ADAM18: variants seen among roughly 807,000 people sequenced by gnomAD.
The protein encoded by ADAM18 is ADAM metallopeptidase domain 18.
A neutral mutation model predicts 94.4 loss-of-function variants in ADAM18; 117 were observed. The ratio of observed to expected loss-of-function variants is 1.24; its 90% confidence interval spans 1.07 to 1.45. ADAM18 has a LOEUF of 1.45. Ranked by LOEUF, ADAM18 falls within the 40% of genes most tolerant of loss-of-function variation. The pLI is 0.00. For missense variants in ADAM18, 936 were observed against 880.0 expected, an observed-to-expected ratio of 1.06 and a Z score of -0.81; for synonymous variants, 327 against 291.6, an observed-to-expected ratio of 1.12 and a Z score of -1.24.
intron 6 of ADAM18, among the ~76,000 whole-genome samples, chr8:39,619,941 G>C (rs893275057): frequency 2.6e-5 from 4 of 151,962 alleles, no homozygotes; most frequent in African/African-American, 9.7e-5. Flanking sequence ...AAGCAATCTT[G>C]AGCAAAAAGA....
chr8:39,667,937 C>A (rs1360958615), intron 13 of ADAM18, 61 bp from the exon 14 acceptor site: 35 of 1,481,012 alleles, frequency 2.4e-5, no homozygotes, highest in Non-Finnish European at 3.3e-5. Flanking sequence ...TAAATCTTTT[C>A]ACTAAGCAAT....
At chr8:39,623,507 AT>A (rs59705229) in intron 6 of ADAM18, among the ~76,000 whole-genome samples, 131,765 of 148,120 alleles carry the variant, frequency 0.89, 58,615 homozygotes, top group Middle Eastern at 0.97. Flanking sequence ...ACATGCACAC[AT>A]TTTTTTTTTT....
intron 18 of ADAM18, among the ~76,000 whole-genome samples, chr8:39,709,344 C>T (rs915878872): frequency 2.6e-5 from 4 of 152,158 alleles, no homozygotes; most frequent in Admixed American, 6.5e-5. Context: ...TAGTCCCTGA[C>T]GTCCAGCTGC....
chr8:39,610,477 G>C, intron 5 of ADAM18, 52 bp from the exon 6 acceptor site: 1 of 1,519,678 alleles, frequency 6.6e-7, no homozygotes. Context: ...ATTTTGAAGG[G>C]ATCATTTGTG....
chr8:39,641,241 C>A (rs551528861), intron 10 of ADAM18, among the ~76,000 whole-genome samples: 5 of 152,174 alleles, frequency 3.3e-5, no homozygotes, highest in African/African-American at 1.2e-4. Flanking sequence ...GTTCTCCCAG[C>A]ACCATTTATT....
chr8:39,609,791 G>A (rs554769291), intron 5 of ADAM18, among the ~76,000 whole-genome samples: 2 of 152,236 alleles, frequency 1.3e-5, no homozygotes, highest in South Asian at 4.1e-4. Context: ...TTTCATGGAA[G>A]AAAACTTTAA....
intron 12 of ADAM18, among the ~76,000 whole-genome samples, chr8:39,660,009 A>G (rs1820791388): frequency 6.6e-6 from 1 of 152,144 alleles, no homozygotes; most frequent in Admixed American, 6.5e-5. Flanking sequence ...TTTGTATGTG[A>G]CTGAAGTTTT....
At chr8:39,664,981 T>C (rs1820954919) in intron 13 of ADAM18, among the ~76,000 whole-genome samples, 1 of 152,122 alleles carries the variant, frequency 6.6e-6, no homozygotes, top group African/African-American at 2.4e-5. Flanking sequence ...ATTCTGTTAG[T>C]GAATATTCCC....
rs537123139 is a variant in ADAM18 at position 39,609,343 on chromosome 8, CT to C, written c.268-133del. On this transcript the variant is annotated intron_variant, in intron 4 of 19. Coordinates refer to ENST00000265707, the MANE Select transcript of ADAM18 (RefSeq NM_014237.3). ...CAAAATAAAGAGAATTGTCACAAAT[CT>C]TTTTTTTTCTGAAAATATGCATTAA... is the stretch of plus-strand genomic sequence containing the variant. The C allele has an allele frequency of 2.5e-3, 1,682 of 685,332 alleles. 24 individuals are homozygous for C. The African/African-American group carries it at 0.026, about 11-fold the overall frequency. The allele number at this position is 685,332 out of a possible 1,614,324, so 42.5% of individuals were successfully genotyped here.
chr8:39,627,665 C>T (rs777109833), intron 6 of ADAM18, among the ~76,000 whole-genome samples: 34 of 151,886 alleles, frequency 2.2e-4, no homozygotes, highest in Non-Finnish European at 4.3e-4. Flanking sequence ...TTTTTTTATC[C>T]ATTCTGCAAA....
chr8:39,728,745 A>G (rs1296377015), intron 19 of ADAM18, among the ~76,000 whole-genome samples: 4 of 152,186 alleles, frequency 2.6e-5, no homozygotes, highest in African/African-American at 9.6e-5. Flanking sequence ...GTGTGGAAAA[A>G]TGAATTGTAA....
At chr8:39,715,881 C>T (rs1586010630) in intron 18 of ADAM18, among the ~76,000 whole-genome samples, 1 of 152,086 alleles carries the variant, frequency 6.6e-6, no homozygotes, top group Middle Eastern at 3.4e-3. Context: ...AGAAATTACG[C>T]TAATTCTCTG....
chr8:39,663,848 A>G lies in ADAM18; in HGVS notation c.1284A>G (p.Ser428=), dbSNP rs1025698200. 2 of 1,612,396 alleles carry G rather than the reference A, an allele frequency of 1.2e-6. No individual in the cohort carries two copies. Among genetic ancestry groups the G allele is most frequent in the Non-Finnish European group, 1.7e-6 (2 of 1,179,666 alleles). The change falls in exon 13 of 20, where the codon TCA becomes TCG. Residue 428 remains serine, a synonymous_variant. Coordinates refer to ENST00000265707, the MANE Select transcript of ADAM18 (RefSeq NM_014237.3). ...CDYNTCKLKG[S]VKCGSGPCCT... is the part of the protein sequence containing the mutation. The stretch of plus-strand genomic sequence containing the variant: ...ATAACACATGTAAACTGAAGGGCTC[A>G]GTAAAATGTGGTTCTGGACCATGTT...
intron 6 of ADAM18, among the ~76,000 whole-genome samples, chr8:39,620,357 C>CAAAAAAAAAAAAAAAA (rs61555393): frequency 3.8e-4 from 34 of 90,548 alleles, no homozygotes; most frequent in African/African-American, 5.7e-4. Context: ...GCAACAAAAG[C>CAAAAAAAAAAAAAAAA]AAAAAAAAAA....
chr8:39,602,042 C>T (rs1408293729), intron 2 of ADAM18, among the ~76,000 whole-genome samples: 1 of 151,852 alleles, frequency 6.6e-6, no homozygotes, highest in East Asian at 1.9e-4. Flanking sequence ...TTGCATTTTC[C>T]ACATTTTATT....
intron 18 of ADAM18, among the ~76,000 whole-genome samples, chr8:39,716,302 C>A (rs74986798): frequency 0.02 from 2,961 of 151,768 alleles, 89 homozygotes; most frequent in African/African-American, 0.068. Context: ...TATTTGAAAT[C>A]TTTCTCTCTC....
chr8:39,602,872 C>T (rs2129578235), intron 2 of ADAM18, among the ~76,000 whole-genome samples: 1 of 152,190 alleles, frequency 6.6e-6, no homozygotes, highest in Non-Finnish European at 1.5e-5. Context: ...AAAAACTCAT[C>T]ATCAACACCA....
At chr8:39,616,495 T>C (rs1256334048) in intron 6 of ADAM18, among the ~76,000 whole-genome samples, 1 of 152,036 alleles carries the variant, frequency 6.6e-6, no homozygotes, top group African/African-American at 2.4e-5. Context: ...ACCAACAACG[T>C]TTTTCACGCA....
At chr8:39,634,129 T>G (rs1820009096) in intron 7 of ADAM18, among the ~76,000 whole-genome samples, 1 of 152,122 alleles carries the variant, frequency 6.6e-6, no homozygotes, top group Non-Finnish European at 1.5e-5. Flanking sequence ...GATCCTTTCA[T>G]CACAGCCAGG....
Sources: allele counts gnomAD v4.1 joint callset (sites outside exome capture counted in the v4.1 genomes callset), GRCh38; gene constraint gnomAD v4.1.1; transcripts MANE v1.5; gene names NCBI Gene and HGNC (gene_info 2026-07-23, HGNC 2026-07-21).